The following KCNMA1 variants were observed in gnomAD, a reference collection of about 807,000 sequenced individuals.
The protein encoded by KCNMA1 is potassium calcium-activated channel subfamily M alpha 1.
Under a neutral mutation model 140.0 loss-of-function variants are expected in KCNMA1, and 29 were observed. That is an observed-to-expected ratio of 0.21 (90% CI 0.15 to 0.28). The LOEUF (loss-of-function observed/expected upper bound fraction) is 0.28, where lower values mean the gene tolerates loss of function less well. Among genes scored for constraint, KCNMA1 ranks in the 10% least tolerant of loss-of-function variants. The pLI, the probability that KCNMA1 is intolerant of heterozygous loss-of-function variation, is 1.00. For synonymous variants in KCNMA1, 612 were observed against 611.9 expected, an observed-to-expected ratio of 1.00 and a Z score of 0.00; for missense variants, 880 against 1,602.2, an observed-to-expected ratio of 0.55 and a Z score of 7.70.
chr10:77,579,287 G>A (rs145308447), intron 1 of KCNMA1, among the ~76,000 whole-genome samples: 26 of 152,280 alleles, frequency 1.7e-4, no homozygotes, highest in Admixed American at 1.6e-3. Flanking sequence ...GGGAGGCAGG[G>A]GTGTCAGTGA....
At chr10:77,567,960 A>G (rs2068993066) in intron 1 of KCNMA1, among the ~76,000 whole-genome samples, 1 of 152,192 alleles carries the variant, frequency 6.6e-6, no homozygotes, top group Admixed American at 6.5e-5. Flanking sequence ...GGTGTGCTCT[A>G]CGCAAATAAA....
chr10:76,935,423 CTT>C (rs1000340139), intron 23 of KCNMA1, among the ~76,000 whole-genome samples: 1 of 152,176 alleles, frequency 6.6e-6, no homozygotes, highest in Non-Finnish European at 1.5e-5. Context: ...AAAGCATAGA[CTT>C]TGAAATCAGA....
intron 1 of KCNMA1, chr10:77,498,899 G>A (rs550066248): frequency 6.6e-6 from 1 of 152,170 alleles, no homozygotes; most frequent in Non-Finnish European, 1.5e-5. Context: ...CTGTGAAACT[G>A]GCTGGACCTG....
chr10:77,430,556 C>A (rs2097131267), intron 1 of KCNMA1, among the ~76,000 whole-genome samples: 1 of 152,172 alleles, frequency 6.6e-6, no homozygotes, highest in African/African-American at 2.4e-5. Context: ...ATAGGCTCCA[C>A]CACCACCATC....
chr10:77,055,634 G>A (rs1306494608), intron 14 of KCNMA1, among the ~76,000 whole-genome samples: 3 of 151,886 alleles, frequency 2.0e-5, no homozygotes, highest in Admixed American at 2.0e-4. Flanking sequence ...TTTCCTCTCT[G>A]CCCAAAAAAC....
chr10:77,541,241 A>C (rs1359686504), intron 1 of KCNMA1, among the ~76,000 whole-genome samples: 1 of 152,182 alleles, frequency 6.6e-6, no homozygotes, highest in Non-Finnish European at 1.5e-5. Flanking sequence ...TTATCAAACC[A>C]GATGAAAACA....
At chr10:76,995,941 T>G (rs1263540440) in intron 19 of KCNMA1, among the ~76,000 whole-genome samples, 1 of 152,182 alleles carries the variant, frequency 6.6e-6, no homozygotes, top group Non-Finnish European at 1.5e-5. Context: ...CAATCCTGTT[T>G]CAAAGAATTT....
At chr10:76,914,890 G>C (rs1404579386) in intron 24 of KCNMA1, 46 bp downstream of exon 24, 1 of 1,354,888 alleles carries the variant, frequency 7.4e-7, no homozygotes. Context: ...TGTATGGTTT[G>C]AAAGACAGAA....
At chr10:77,487,151 C>G (rs1214786990) in intron 1 of KCNMA1, among the ~76,000 whole-genome samples, 1 of 152,206 alleles carries the variant, frequency 6.6e-6, no homozygotes, top group Non-Finnish European at 1.5e-5. Context: ...GAACTCAACA[C>G]ATATAGTAGA....
intron 2 of KCNMA1, among the ~76,000 whole-genome samples, chr10:77,297,975 G>T (rs543919448): frequency 1.3e-5 from 2 of 152,244 alleles, no homozygotes; most frequent in South Asian, 2.1e-4. Context: ...GACAGCAATT[G>T]GTATCCATCC....
chr10:77,471,687 TAC>T (rs1006340422), intron 1 of KCNMA1, among the ~76,000 whole-genome samples: 2 of 139,764 alleles, frequency 1.4e-5, no homozygotes, highest in Non-Finnish European at 3.1e-5. Flanking sequence ...ACACACACTA[TAC>T]ACACATACAC....
At chr10:77,266,170 C>T (rs916308307) in intron 2 of KCNMA1, among the ~76,000 whole-genome samples, 1 of 151,668 alleles carries the variant, frequency 6.6e-6, no homozygotes, top group Non-Finnish European at 1.5e-5. Context: ...GCTGAGGAGA[C>T]TTTGGGTTCC....
intron 3 of KCNMA1, among the ~76,000 whole-genome samples, chr10:77,213,933 C>T (rs1233175556): frequency 3.3e-5 from 5 of 152,092 alleles, no homozygotes; most frequent in Non-Finnish European, 7.3e-5. Context: ...CTGGACACCT[C>T]CCCCGACATC....
chr10:77,310,702 T>C (rs944539885), intron 2 of KCNMA1, among the ~76,000 whole-genome samples: 34 of 152,218 alleles, frequency 2.2e-4, no homozygotes, highest in African/African-American at 8.0e-4. Flanking sequence ...AGATCATGAA[T>C]TGTTAGCGGA....
At chr10:77,005,888 G>A (rs945532527) in intron 18 of KCNMA1, among the ~76,000 whole-genome samples, 1 of 152,182 alleles carries the variant, frequency 6.6e-6, no homozygotes, top group Admixed American at 6.5e-5. Context: ...CTTCTCAGAA[G>A]TGTTCTTGGA....
At chr10:77,049,906 G>C (rs772535919) in intron 14 of KCNMA1, among the ~76,000 whole-genome samples, 1 of 152,164 alleles carries the variant, frequency 6.6e-6, no homozygotes, top group Non-Finnish European at 1.5e-5. Context: ...AACATCTTGG[G>C]CTTCTTAGCA....
chr10:77,318,571 T>C (rs1042626024), intron 2 of KCNMA1, among the ~76,000 whole-genome samples: 1 of 152,168 alleles, frequency 6.6e-6, no homozygotes, highest in Non-Finnish European at 1.5e-5. Flanking sequence ...TACAGAAGGG[T>C]GCAGCCCCAG....
chr10:77,209,779 A>G (rs1015938615), intron 3 of KCNMA1, among the ~76,000 whole-genome samples: 1 of 152,174 alleles, frequency 6.6e-6, no homozygotes, highest in East Asian at 1.9e-4. Context: ...GAATACCTCT[A>G]TGCACATAAA....
chr10:77,531,247 G>C lies in KCNMA1; in HGVS notation c.378+106018C>G, dbSNP rs568828644. ...GGGGGTGAATGAAAGTCAAGAGATT[G>C]TAAATAATGCCAATGACCTTTATCA... On this transcript the variant is annotated intron_variant, in intron 1 of 27. Transcript: ENST00000286628. Among the ~76,000 whole-genome samples the C allele has an allele frequency of 2.0e-5, 3 of 152,200 alleles. 1 individual carries two copies. The South Asian group carries it at 6.2e-4, about 32-fold the overall frequency.
Sources: allele counts gnomAD v4.1 joint callset (sites outside exome capture counted in the v4.1 genomes callset), GRCh38; gene constraint gnomAD v4.1.1; transcripts MANE v1.5; gene names NCBI Gene and HGNC (gene_info 2026-07-23, HGNC 2026-07-21).